Variants in SMC2 observed in about 807,000 individuals in gnomAD.
The protein encoded by SMC2 is structural maintenance of chromosomes 2, also known as structural maintenance of chromosomes protein 2.
SMC2 carries 41 observed loss-of-function variants against 142.6 expected under a neutral mutation model. That is an observed-to-expected ratio of 0.29 (90% CI 0.22 to 0.37). The LOEUF (loss-of-function observed/expected upper bound fraction) is 0.37, where lower values mean the gene tolerates loss of function less well. SMC2 is among the 10% of genes least tolerant of loss of function. SMC2 has a pLI of 1.00. For synonymous variants in SMC2, 463 were observed against 457.5 expected, an observed-to-expected ratio of 1.01 and a Z score of -0.15; for missense variants, 1,265 against 1,373.7, an observed-to-expected ratio of 0.92 and a Z score of 1.25.
intron 9 of SMC2, among the ~76,000 whole-genome samples, chr9:104,106,903 A>G (rs1831854659): frequency 6.6e-6 from 1 of 152,188 alleles, no homozygotes. Flanking sequence ...ACTTACTGGC[A>G]TGATGGTGGC....
intron 15 of SMC2, among the ~76,000 whole-genome samples, chr9:104,119,409 C>T (rs1250572698): frequency 1.3e-5 from 2 of 152,074 alleles, no homozygotes; most frequent in East Asian, 1.9e-4. Flanking sequence ...AACATAATAC[C>T]TCAACCTGTG....
At chr9:104,099,732 T>C in intron 5 of SMC2, 50 bp downstream of exon 5, 1 of 1,120,294 alleles carries the variant, frequency 8.9e-7, no homozygotes, top group Non-Finnish European at 1.3e-6. Context: ...AGATATTACT[T>C]TAATCTTTCA....
chr9:104,126,066 A>AC (rs1834229972), intron 18 of SMC2, among the ~76,000 whole-genome samples: 2 of 152,060 alleles, frequency 1.3e-5, no homozygotes, highest in Non-Finnish European at 2.9e-5. Context: ...AGGAGTGCAG[A>AC]CCCTTTTCTG....
intron 21 of SMC2, 130 bp from the exon 22 acceptor site, chr9:104,131,879 A>T: frequency 3.4e-6 from 2 of 580,112 alleles, no homozygotes; most frequent in Admixed American, 6.3e-5. Flanking sequence ...TTAGTGCATT[A>T]TATCTTTTTG....
At chr9:104,117,509 A>G (rs1156497253) in intron 14 of SMC2, among the ~76,000 whole-genome samples, 1 of 152,202 alleles carries the variant, frequency 6.6e-6, no homozygotes, top group African/African-American at 2.4e-5. Context: ...TTTTTAAATT[A>G]CTTTTACTCT....
intron 16 of SMC2, among the ~76,000 whole-genome samples, chr9:104,121,957 G>A (rs1207670286): frequency 6.6e-6 from 1 of 152,108 alleles, no homozygotes; most frequent in Non-Finnish European, 1.5e-5. Flanking sequence ...GTTTCACCAC[G>A]TTGGCCAGGT....
In SMC2 at chr9:104,114,709, G is replaced by T; in HGVS notation, c.1551G>T (p.Trp517Cys). The T allele has an allele frequency of 6.2e-7, 1 of 1,611,928 alleles. No homozygotes were observed. Among genetic ancestry groups the T allele is most frequent in the Non-Finnish European group, 8.5e-7 (1 of 1,178,786 alleles). Residue 517 changes from tryptophan (W) to cysteine (C), a missense_variant, in exon 13 of 25, where the codon TGG becomes TGT. Physicochemically the swap from Trp to Cys is radical, Grantham distance 215. This residue lies in a region of SMC2 where 898 missense variants were observed against 904.2 expected (regional missense o/e 0.99). Coordinates refer to ENST00000374793, the MANE Select transcript of SMC2 (RefSeq NM_006444.3). Reference sequence around the variant, plus strand: ...ATTTCAGGGATCCAGAGAAGAACTGGAATAGAAATTGTGTGAAAGGACTTG... The same window carrying T: ...ATTTCAGGGATCCAGAGAAGAACTGTAATAGAAATTGTGTGAAAGGACTTG... ...RFAYKDPEKNWNRNCVKGLVA... is the reference protein window; with the variant it reads ...RFAYKDPEKNCNRNCVKGLVA...
chr9:104,136,039 CA>C (rs571132073), intron 23 of SMC2: 229 of 424,758 alleles, frequency 5.4e-4, no homozygotes, highest in African/African-American at 3.3e-3. Flanking sequence ...AGAAAATCAG[CA>C]TAGTGATAGA....
intron 9 of SMC2, 118 bp downstream of exon 9, chr9:104,102,691 GT>G: frequency 9.2e-7 from 1 of 1,081,624 alleles, no homozygotes; most frequent in Non-Finnish European, 1.3e-6. Context: ...AAGTACAGTT[GT>G]TTGGGCTGTG....
At chr9:104,128,580 C>T (rs1169914243) in intron 20 of SMC2, among the ~76,000 whole-genome samples, 1 of 152,144 alleles carries the variant, frequency 6.6e-6, no homozygotes, top group Non-Finnish European at 1.5e-5. Flanking sequence ...AAAGAGTTTA[C>T]AGGTCAAAAG....
chr9:104,136,607 A>G (rs1835555632), intron 23 of SMC2, among the ~76,000 whole-genome samples: 1 of 151,974 alleles, frequency 6.6e-6, no homozygotes, highest in Non-Finnish European at 1.5e-5. Context: ...TTTTTTTAAG[A>G]TTAAGTTTTA....
chr9:104,099,793 G>A, intron 5 of SMC2, 111 bp downstream of exon 5: 1 of 694,082 alleles, frequency 1.4e-6, no homozygotes, highest in South Asian at 1.8e-5. Context: ...ATTTGGGAAT[G>A]ATTAGTAAAG....
At chr9:104,117,323 C>T (rs1259296331) in intron 14 of SMC2, among the ~76,000 whole-genome samples, 1 of 152,166 alleles carries the variant, frequency 6.6e-6, no homozygotes, top group Non-Finnish European at 1.5e-5. Context: ...ATGGTAGCTG[C>T]CACATCAAAG....
rs764245140 is a variant in SMC2 at position 104,102,030 on chromosome 9, C to T, written c.707C>T (p.Ala236Val). 1.2e-6 allele frequency: 2 copies of T among 1,610,540 alleles called. No homozygotes were observed. The highest frequency in any genetic ancestry group is 1.7e-6 in the Non-Finnish European group (2 of 1,178,226). The change falls in exon 8 of 25, where the codon GCT (alanine) becomes GTT (valine). Residue 236 changes from alanine (A) to valine (V), a missense_variant. Physicochemically the swap from Ala to Val is moderately conservative, Grantham distance 64 (BLOSUM62 0). Coordinates refer to ENST00000374793, the MANE Select transcript of SMC2 (RefSeq NM_006444.3). ...GAACATTTGAGTCGTTTATATATTGCTTATCAGTTTTTGCTGGCTGAAGAT... is the reference window on the plus strand; with the variant it reads ...GAACATTTGAGTCGTTTATATATTGTTTATCAGTTTTTGCTGGCTGAAGAT... ...EIEHLSRLYIAYQFLLAEDTK... is the reference protein window; with the variant it reads ...EIEHLSRLYIVYQFLLAEDTK...
intron 7 of SMC2, 109 bp downstream of exon 7, chr9:104,100,542 G>A (rs533866339): frequency 2.6e-5 from 18 of 698,466 alleles, no homozygotes; most frequent in South Asian, 1.3e-4. Context: ...TTTTTCCTGC[G>A]ATGAGATAAG....
At chr9:104,103,378 T>C (rs552709683) in intron 9 of SMC2, among the ~76,000 whole-genome samples, 25 of 152,190 alleles carry the variant, frequency 1.6e-4, no homozygotes, top group African/African-American at 6.0e-4. Flanking sequence ...GAGGGATAAA[T>C]AGGGAGGTAA....
chr9:104,102,394 A>C, intron 8 of SMC2, 30 bp from the exon 9 acceptor site: 1 of 1,568,376 alleles, frequency 6.4e-7, no homozygotes, highest in Non-Finnish European at 8.6e-7. Flanking sequence ...ATTTTACATA[A>C]GTGATTGAAT....
At position 104,139,128 on chromosome 9, in the gene SMC2, T is replaced by C; in HGVS notation, c.3418-11T>C. 2.0e-6 allele frequency: 3 copies of C among 1,536,676 alleles called. No homozygotes were observed. The highest frequency in any genetic ancestry group is 2.6e-6 in the Non-Finnish European group (3 of 1,152,176). On this transcript the variant is annotated splice_polypyrimidine_tract_variant and intron_variant, in intron 24 of 24. Transcript: ENST00000374793. ...AAAAGTTTTTTTATACTTTTTTCTT[T>C]TTTCCTTAAGTTCATTGTGGTGTCA...
At position 104,139,875 on chromosome 9, in the gene SMC2, CTTATT is replaced by C. The variant is rs1835917864; in HGVS notation, c.*564_*568del. ...ATAGGAAACAGATCTTGAAAGAATC[CTTATT>C]TTAATGATACATGAATATCATGTTC... On this transcript the variant is annotated 3_prime_UTR_variant, in exon 25 of 25. Coordinates refer to ENST00000374793, the MANE Select transcript of SMC2 (RefSeq NM_006444.3). 6.6e-6 allele frequency: 1 copy of C among 152,016 alleles called. No individual in the cohort carries two copies. The highest frequency in any genetic ancestry group is 2.4e-5 in the African/African-American group (1 of 41,372). 9.4% of individuals were successfully genotyped at this position (152,016 alleles called of 1,614,324 possible). A position where few individuals can be genotyped will look rare whatever the true frequency, so the allele number is the denominator to read the frequency against.
Sources: allele counts gnomAD v4.1 joint callset (sites outside exome capture counted in the v4.1 genomes callset), GRCh38; gene constraint gnomAD v4.1.1; regional missense constraint gnomAD v4.1.1; transcripts MANE v1.5; gene names NCBI Gene and HGNC (gene_info 2026-07-23, HGNC 2026-07-21).